KLHL1: variants seen among roughly 807,000 people sequenced by gnomAD.
The protein encoded by KLHL1 is kelch-like protein 1.
Under a neutral mutation model 77.7 loss-of-function variants are expected in KLHL1, and 47 were observed. The ratio of observed to expected loss-of-function variants is 0.60; its 90% CI spans 0.48 to 0.77. The LOEUF (loss-of-function observed/expected upper bound fraction) is 0.77, where lower values mean the gene tolerates loss of function less well. Ranked by LOEUF, KLHL1 falls within the 30% of genes least tolerant of loss-of-function variation. KLHL1 has a pLI of 0.00. For missense variants in KLHL1, 925 were observed against 910.8 expected, an observed-to-expected ratio of 1.02 and a Z score of -0.20; for synonymous variants, 360 against 325.2, an observed-to-expected ratio of 1.11 and a Z score of -1.15.
At chr13:69,988,962 A>G (rs1884950105) in intron 1 of KLHL1, among the ~76,000 whole-genome samples, 1 of 151,994 alleles carries the variant, frequency 6.6e-6, no homozygotes, top group Non-Finnish European at 1.5e-5. Flanking sequence ...GAGGCTGTTT[A>G]ATTAGATCTC....
intron 3 of KLHL1, among the ~76,000 whole-genome samples, chr13:69,946,651 T>A (rs1883535432): frequency 6.6e-6 from 1 of 152,130 alleles, no homozygotes; most frequent in African/African-American, 2.4e-5. Context: ...TAGGTGAGAT[T>A]ACAGGCATGC....
chr13:70,041,254 C>T (rs1341727762), intron 1 of KLHL1, among the ~76,000 whole-genome samples: 1 of 152,146 alleles, frequency 6.6e-6, no homozygotes, highest in East Asian at 1.9e-4. Flanking sequence ...TGATGACTAT[C>T]TTTCTTCATT....
At chr13:69,886,695 A>T (rs1246182342) in intron 4 of KLHL1, among the ~76,000 whole-genome samples, 1 of 152,142 alleles carries the variant, frequency 6.6e-6, no homozygotes, top group Admixed American at 6.6e-5. Flanking sequence ...AATTTTGTTT[A>T]CTTCATGAGC....
At chr13:70,056,397 T>C (rs2137398797) in intron 1 of KLHL1, among the ~76,000 whole-genome samples, 1 of 152,256 alleles carries the variant, frequency 6.6e-6, no homozygotes, top group Non-Finnish European at 1.5e-5. Context: ...AGCTGGTGAC[T>C]TCAACATCCC....
At chr13:69,939,607 A>G (rs1465360395) in intron 4 of KLHL1, among the ~76,000 whole-genome samples, 1 of 151,902 alleles carries the variant, frequency 6.6e-6, no homozygotes, top group Non-Finnish European at 1.5e-5. Context: ...CTTTATTAAT[A>G]TCTATCAATA....
At chr13:69,729,932 G>A (rs1443920285) in intron 8 of KLHL1, among the ~76,000 whole-genome samples, 1 of 151,974 alleles carries the variant, frequency 6.6e-6, no homozygotes, top group Non-Finnish European at 1.5e-5. Context: ...AGATACTAGA[G>A]CAAAACAGGA....
intron 3 of KLHL1, among the ~76,000 whole-genome samples, chr13:69,951,161 C>A (rs1276521929): frequency 6.6e-6 from 1 of 151,514 alleles, no homozygotes; most frequent in African/African-American, 2.4e-5. Flanking sequence ...AGTTTTAAGA[C>A]ATTACTTATT....
In KLHL1 at chr13:69,796,974, T is replaced by G; in HGVS notation, c.1415-12A>C. On this transcript the variant is annotated splice_polypyrimidine_tract_variant and intron_variant, in intron 6 of 10. Transcript: ENST00000377844. ...TATAGTTGTAGCTCCTGATAAAACATAAAATCAAAAAGTCACCAATTGCTA... is the reference window on the plus strand; with the variant it reads ...TATAGTTGTAGCTCCTGATAAAACAGAAAATCAAAAAGTCACCAATTGCTA... 1 of 1,609,222 alleles carries G rather than the reference T, an allele frequency of 6.2e-7. No homozygotes were observed. The highest frequency in any genetic ancestry group is 1.1e-5 in the South Asian group (1 of 90,856).
chr13:69,991,022 A>G (rs1020167212), intron 1 of KLHL1, among the ~76,000 whole-genome samples: 3 of 151,976 alleles, frequency 2.0e-5, no homozygotes, highest in Non-Finnish European at 4.4e-5. Flanking sequence ...ATACAATTAC[A>G]TGGGTATTAA....
intron 1 of KLHL1, among the ~76,000 whole-genome samples, chr13:70,083,855 T>A (rs1887453914): frequency 6.6e-6 from 1 of 152,100 alleles, no homozygotes; most frequent in African/African-American, 2.4e-5. Flanking sequence ...ACCCCATACA[T>A]GTATACAATT....
chr13:69,917,307 T>C (rs1882479148), intron 4 of KLHL1, among the ~76,000 whole-genome samples: 1 of 151,994 alleles, frequency 6.6e-6, no homozygotes, highest in Non-Finnish European at 1.5e-5. Context: ...GAAACTAAAA[T>C]CAACCAATTC....
intron 5 of KLHL1, among the ~76,000 whole-genome samples, chr13:69,867,938 A>T (rs771741139): frequency 3.5e-4 from 53 of 151,984 alleles, no homozygotes; most frequent in Non-Finnish European, 6.3e-4. Flanking sequence ...ACCAACATGA[A>T]ACATGTATAC....
At chr13:69,759,663 C>T (rs1425205751) in intron 7 of KLHL1, among the ~76,000 whole-genome samples, 2 of 152,168 alleles carry the variant, frequency 1.3e-5, no homozygotes, top group Non-Finnish European at 2.9e-5. Context: ...CTTCTAGTTA[C>T]CTGCTTCATT....
intron 7 of KLHL1, among the ~76,000 whole-genome samples, chr13:69,750,701 A>G (rs1874440199): frequency 6.6e-6 from 1 of 152,048 alleles, no homozygotes; most frequent in Non-Finnish European, 1.5e-5. Context: ...AACACAATGT[A>G]GTGTTTTGTA....
At chr13:69,843,604 A>T (rs1232203914) in intron 5 of KLHL1, among the ~76,000 whole-genome samples, 1 of 151,716 alleles carries the variant, frequency 6.6e-6, no homozygotes, top group African/African-American at 2.4e-5. Flanking sequence ...CATAAATAGG[A>T]CTTGGGTTTA....
At chr13:69,774,946 A>G (rs1219747028) in intron 7 of KLHL1, among the ~76,000 whole-genome samples, 2 of 152,160 alleles carry the variant, frequency 1.3e-5, no homozygotes, top group Admixed American at 6.6e-5. Context: ...TTCATTTTTA[A>G]TATTTCTTGA....
At chr13:69,889,928 T>C (rs1007076329) in intron 4 of KLHL1, among the ~76,000 whole-genome samples, 2 of 152,122 alleles carry the variant, frequency 1.3e-5, no homozygotes, top group African/African-American at 4.8e-5. Context: ...TTGCTAGCTC[T>C]AGAGGCTACA....
chr13:69,988,508 GT>G (rs761955388), intron 1 of KLHL1, among the ~76,000 whole-genome samples: 10 of 151,870 alleles, frequency 6.6e-5, no homozygotes, highest in Non-Finnish European at 1.2e-4. Flanking sequence ...TTGAATGTTA[GT>G]TCAGTTTTTA....
At chr13:69,980,636 G>A (rs144830050) in intron 1 of KLHL1, among the ~76,000 whole-genome samples, 73 of 152,056 alleles carry the variant, frequency 4.8e-4, no homozygotes, top group Non-Finnish European at 2.2e-4. Flanking sequence ...TTTAAATATC[G>A]CTACCTTCAG....
Sources: allele counts gnomAD v4.1 joint callset (sites outside exome capture counted in the v4.1 genomes callset), GRCh38; gene constraint gnomAD v4.1.1; transcripts MANE v1.5; gene names NCBI Gene and HGNC (gene_info 2026-07-23, HGNC 2026-07-21).